The following FYB2 variants were observed in gnomAD, a reference collection of about 807,000 sequenced individuals.
The protein encoded by FYB2 is FYN binding protein 2, also known as FYN-binding protein 2.
FYB2 carries 103 observed loss-of-function variants against 94.1 expected under a neutral mutation model. That is an observed-to-expected ratio of 1.09 (90% CI 0.93 to 1.29). The LOEUF is 1.29. FYB2 is among the 50% of genes most tolerant of loss of function. FYB2 has a pLI of 0.00. For missense variants in FYB2, 896 were observed against 841.5 expected, an observed-to-expected ratio of 1.06 and a Z score of -0.80; for synonymous variants, 293 against 287.9, an observed-to-expected ratio of 1.02 and a Z score of -0.18.
intron 16 of FYB2, among the ~76,000 whole-genome samples, chr1:56,726,113 CCTAA>C (rs1288636698): frequency 6.6e-6 from 1 of 151,864 alleles, no homozygotes; most frequent in East Asian, 1.9e-4. Context: ...CTATATGATA[CCTAA>C]CTTTTTTTTT....
At chr1:56,760,547 A>T (rs1322177869) in intron 5 of FYB2, among the ~76,000 whole-genome samples, 3 of 152,190 alleles carry the variant, frequency 2.0e-5, no homozygotes, top group African/African-American at 7.2e-5. Context: ...CAGTTTGCCC[A>T]ATATCCATTC....
intron 5 of FYB2, among the ~76,000 whole-genome samples, chr1:56,760,147 G>GT (rs1314672792): frequency 6.6e-6 from 1 of 151,116 alleles, no homozygotes; most frequent in Non-Finnish European, 1.5e-5. Context: ...AAATGGCAAT[G>GT]TTTTTTGATA....
intron 1 of FYB2, among the ~76,000 whole-genome samples, chr1:56,814,596 C>T (rs937427289): frequency 1.3e-5 from 2 of 152,110 alleles, no homozygotes; most frequent in African/African-American, 4.8e-5. Context: ...ACAGGATGTG[C>T]CCAGTCTTTT....
chr1:56,771,807 A>G (rs949919399), intron 4 of FYB2, among the ~76,000 whole-genome samples: 5 of 152,188 alleles, frequency 3.3e-5, no homozygotes, highest in Non-Finnish European at 5.9e-5. Flanking sequence ...CATAGTTGTT[A>G]GACAGTGAAA....
chr1:56,761,040 C>A (rs6588650), intron 5 of FYB2, among the ~76,000 whole-genome samples: 1 of 151,826 alleles, frequency 6.6e-6, no homozygotes. Context: ...TTTTATTGTG[C>A]AGGCAGAGAA....
At chr1:56,786,435 G>T (rs1004957094) in intron 4 of FYB2, among the ~76,000 whole-genome samples, 6 of 152,092 alleles carry the variant, frequency 3.9e-5, no homozygotes, top group Admixed American at 3.9e-4. Context: ...CTTTACCATT[G>T]TAAACATTTG....
chr1:56,722,818 A>G (rs1257644349), intron 17 of FYB2, among the ~76,000 whole-genome samples: 3 of 151,954 alleles, frequency 2.0e-5, no homozygotes, highest in African/African-American at 7.2e-5. Context: ...TGCAAGGGGG[A>G]ATTTTTGAAA....
chr1:56,754,130 C>A (rs1414248060), intron 7 of FYB2, among the ~76,000 whole-genome samples, 195 bp from the exon 8 acceptor site: 1 of 151,958 alleles, frequency 6.6e-6, no homozygotes, highest in Non-Finnish European at 1.5e-5. Flanking sequence ...CCAATTAATG[C>A]CACAGTGTCA....
chr1:56,821,497 T>C (rs539620256), upstream of FYB2, among the ~76,000 whole-genome samples: 6 of 152,218 alleles, frequency 3.9e-5, no homozygotes, highest in Non-Finnish European at 8.8e-5. Flanking sequence ...CTGCTGGTCT[T>C]GGGAAAGTCA....
intron 6 of FYB2, among the ~76,000 whole-genome samples, chr1:56,756,226 C>T (rs1645327050): frequency 6.6e-6 from 1 of 152,154 alleles, no homozygotes; most frequent in African/African-American, 2.4e-5. Context: ...ACGTAAATAA[C>T]TTCTAAATCC....
At chr1:56,768,026 T>C in intron 4 of FYB2, 88 bp from the exon 5 acceptor site, 3 of 997,246 alleles carry the variant, frequency 3.0e-6, no homozygotes, top group Middle Eastern at 2.2e-4. Flanking sequence ...AGAGAAATAA[T>C]ATGTGTGTCT....
chr1:56,823,548 C>T (rs1647005467), upstream of FYB2: 1 of 152,176 alleles, frequency 6.6e-6, no homozygotes, highest in Non-Finnish European at 1.5e-5. Context: ...TCCAGCTGAT[C>T]TCTCCTTTGC....
At position 56,767,829 on chromosome 1, in the gene FYB2, G is replaced by A. The variant is rs553448862; in HGVS notation, c.1063C>T (p.Pro355Ser). The A allele has an allele frequency of 1.6e-5, 26 of 1,591,766 alleles. No individual in the cohort carries two copies. In the South Asian group the frequency reaches 1.9e-4, roughly 12 times the overall value. The change falls in exon 5 of 20, where the codon CCA (proline) becomes TCA (serine). Residue 355 changes from proline to serine, a missense_variant and splice_region_variant. Coordinates refer to ENST00000343433, the MANE Select transcript of FYB2 (RefSeq NM_001004303.5). The part of the protein sequence containing the change: ...NLCTAKEIAD[P>S]TYEVGIEELQ... ...CTATTAATTGGCTTAGCAGACTTAC[G>A]ATCAGCAATTTCTTTTGCAGTGCAC...
Position 56,720,185 on chromosome 1 carries a change from A to T in FYB2, c.2119T>A (p.Ser707Thr), listed in dbSNP as rs1644459387. ...CAAATAAACTTACATTTGCCTTTAG[A>T]ATTACGACATATCACTAGATTTTGT... is the stretch of plus-strand genomic sequence containing the variant. The part of the protein sequence containing the change: ...TEQNLVICRN[S>T]KGKYGYVLIE... The change falls in exon 18 of 20, where the codon TCT becomes ACT. Residue 707 changes from serine to threonine, a missense_variant. Physicochemically the swap from Ser to Thr is moderately conservative, Grantham distance 58 (BLOSUM62 1). Coordinates refer to ENST00000343433, the MANE Select transcript of FYB2 (RefSeq NM_001004303.5). The T allele has an allele frequency of 1.2e-6, 2 of 1,609,730 alleles. No homozygotes were observed. The highest frequency in any genetic ancestry group is 1.7e-6 in the Non-Finnish European group (2 of 1,178,386).
At chr1:56,806,345 T>C (rs1646647017) in intron 1 of FYB2, among the ~76,000 whole-genome samples, 1 of 152,172 alleles carries the variant, frequency 6.6e-6, no homozygotes, top group African/African-American at 2.4e-5. Context: ...ATTAGGTTGG[T>C]GCAAAGTAAT....
chr1:56,806,381 G>T (rs1345067816), intron 1 of FYB2, among the ~76,000 whole-genome samples: 1 of 152,168 alleles, frequency 6.6e-6, no homozygotes, highest in Non-Finnish European at 1.5e-5. Flanking sequence ...TGAAAGTAAT[G>T]GTAGAGGAGA....
At chr1:56,746,907 CCA>C (rs1441242737) in intron 9 of FYB2, among the ~76,000 whole-genome samples, 2 of 151,960 alleles carry the variant, frequency 1.3e-5, no homozygotes, top group African/African-American at 2.4e-5. Flanking sequence ...CTTACAATCT[CCA>C]CAGTGAATGA....
At position 56,792,361 on chromosome 1, in the gene FYB2, CT is replaced by C; in HGVS notation, c.451del (p.Ser151ValfsTer66). 2 of 1,614,132 alleles carry C rather than the reference CT, an allele frequency of 1.2e-6. No individual in the cohort carries two copies. Among genetic ancestry groups the C allele is most frequent in the Middle Eastern group, 1.6e-4 (1 of 6,062 alleles). ...WNWEKVSSQK[S>X]EMSSALLLAN... ...AAGGAGAAGGGCTGAAGACATTTCACTTTTCTGAGATGAAACCTTCTCCCAG... is the reference window on the plus strand; with the variant it reads ...AAGGAGAAGGGCTGAAGACATTTCACTTTCTGAGATGAAACCTTCTCCCAG... On this transcript the variant is annotated frameshift_variant, in exon 2 of 20. Coordinates refer to ENST00000343433, the MANE Select transcript of FYB2 (RefSeq NM_001004303.5). LOFTEE classifies it high-confidence loss of function.
In FYB2 at chr1:56,740,711, C is replaced by T. The variant is rs140363025; in HGVS notation, c.1689G>A (p.Ser563=). The T allele has an allele frequency of 9.6e-5, 153 of 1,596,588 alleles. 2 individuals are homozygous for T. The highest frequency in any genetic ancestry group is 8.6e-4 in the South Asian group (77 of 89,496). ...KDRFKIKKTK[S]KENLSAFSIL... is the part of the protein sequence containing the mutation. ...GGACTTTTTACCTTAAGTTTTCTTT[C>T]GACTTGGTTTTCTTTATTTTAAATC... The change falls in exon 13 of 20, where the codon TCG becomes TCA. Residue 563 remains serine (S), a synonymous_variant. Transcript: ENST00000343433.
Sources: gnomAD v4.1 joint callset for allele counts (sites outside exome capture counted in the v4.1 genomes callset) on GRCh38, gnomAD v4.1.1 for gene constraint, MANE v1.5 for transcripts, NCBI Gene and HGNC (gene_info 2026-07-23, HGNC 2026-07-21) for gene names.